DST: variants seen among roughly 807,000 people sequenced by gnomAD.
The protein encoded by DST is bullous pemphigoid antigen.
DST carries 253 observed loss-of-function variants against 875.2 expected under a neutral mutation model. The ratio of observed to expected loss-of-function variants is 0.29; its 90% CI spans 0.26 to 0.32. The LOEUF (loss-of-function observed/expected upper bound fraction) is 0.32. Among genes scored for constraint, DST ranks in the 10% least tolerant of loss-of-function variants. The pLI, the probability that DST is intolerant of heterozygous loss-of-function variation, is 1.00. For synonymous variants in DST, 3,124 were observed against 3,197.1 expected (o/e 0.98, Z 0.77); for missense variants, 8,287 against 9,111.6 (o/e 0.91, Z 3.68).
At position 56,464,588 on chromosome 6, in the gene DST, T is replaced by C; in HGVS notation, c.22759+97A>G. The C allele has an allele frequency of 5.6e-6, 5 of 887,184 alleles. No individual in the cohort carries two copies. In the South Asian group the frequency reaches 7.6e-5, roughly 13 times the overall value. 55.0% of individuals were successfully genotyped at this position (887,184 alleles called of 1,614,324 possible). ...TATGAGTTAAGCCATACGCGATGGA[T>C]GAAGCATGTTATTTTAAAACAAATG... On this transcript the variant is annotated intron_variant, in intron 100 of 103. Transcript: ENST00000680361.
At chr6:56,556,681 A>G (rs1416282051) in intron 59 of DST, among the ~76,000 whole-genome samples, 1 of 152,206 alleles carries the variant, frequency 6.6e-6, no homozygotes, top group African/African-American at 2.4e-5. Flanking sequence ...ACTAACTGAA[A>G]TCACCACAGA....
rs2096426641 is a variant in DST, at chr6:56,509,645, T to C, written c.19009A>G (p.Lys6337Glu). The C allele has an allele frequency of 1.2e-6, 2 of 1,611,378 alleles. No individual in the cohort carries two copies. The highest frequency in any genetic ancestry group is 1.7e-6 in the Non-Finnish European group (2 of 1,177,870). The change falls in exon 74 of 104, where the codon AAA (lysine) becomes GAA (glutamate). Residue 6337 changes from lysine to glutamate, a missense_variant. Lys to Glu is a moderately conservative substitution (Grantham distance 56). Coordinates refer to ENST00000680361, the MANE Select transcript of DST (RefSeq NM_001374736.1). The stretch of plus-strand genomic sequence containing the variant: ...TTCCCTATTCCAAAAGTATTACCTT[T>C]GGCAGATATGTCTTTATCAGTCCCC... ...SGGTDKDISA[K>E]AVQDKLDQMV...
At chr6:56,693,286 T>C (rs1241987570) in intron 9 of DST, 1 of 1,177,398 alleles carries the variant, frequency 8.5e-7, no homozygotes, top group Non-Finnish European at 1.1e-6. Flanking sequence ...CTCTTCAGTC[T>C]GAGGCCATTT....
chr6:56,621,242 G>A (rs1028614528), intron 36 of DST, among the ~76,000 whole-genome samples: 4 of 151,958 alleles, frequency 2.6e-5, no homozygotes, highest in African/African-American at 4.8e-5. Context: ...CATGTCTTAT[G>A]GTTAAAAAAA....
rs189859018 is a variant in DST, at chr6:56,833,889, T to C, written c.625+17508A>G. On this transcript the variant is annotated intron_variant, in intron 4 of 103. Coordinates refer to ENST00000680361, the MANE Select transcript of DST (RefSeq NM_001374736.1). ...TGATAAAGGACTGGTATCCAAAATATACAAAAAACTCCAAAACTCAACAAT... is the reference window on the plus strand; with the variant it reads ...TGATAAAGGACTGGTATCCAAAATACACAAAAAACTCCAAAACTCAACAAT... 2.0e-5 allele frequency among the ~76,000 whole-genome samples: 3 copies of C among 150,972 alleles called. No homozygotes were observed. The East Asian group carries it at 5.8e-4, about 29-fold the overall frequency.
rs766809207 is a variant in DST, at chr6:56,616,944, C to T, written c.4930-2460G>A. 3.1e-5 allele frequency: 50 copies of T among 1,604,864 alleles called. No individual in the cohort carries two copies. The highest frequency in any genetic ancestry group is 3.3e-4 in the Middle Eastern group (2 of 6,022). Reference sequence around the variant, plus strand: ...GGATCAATTATAAAACCTGTTGCAGCCTGAGCTTCTAAAAATGCCAAAGCC... The same window carrying T: ...GGATCAATTATAAAACCTGTTGCAGTCTGAGCTTCTAAAAATGCCAAAGCC... On this transcript the variant is annotated intron_variant, in intron 36 of 103. Coordinates refer to ENST00000680361, the MANE Select transcript of DST (RefSeq NM_001374736.1).
intron 4 of DST, among the ~76,000 whole-genome samples, chr6:56,794,014 T>C (rs1310543402): frequency 6.6e-6 from 1 of 152,036 alleles, no homozygotes; most frequent in Non-Finnish European, 1.5e-5. Flanking sequence ...GTTTATAGGG[T>C]TTCTAAACCA....
intron 47 of DST, among the ~76,000 whole-genome samples, chr6:56,597,173 G>C (rs534423583): frequency 6.6e-6 from 1 of 151,968 alleles, no homozygotes; most frequent in East Asian, 1.9e-4. Flanking sequence ...CAGGGAGTTT[G>C]AGGCTGCAGT....
intron 4 of DST, among the ~76,000 whole-genome samples, chr6:56,772,495 T>A (rs2099668872): frequency 6.6e-6 from 1 of 152,188 alleles, no homozygotes; most frequent in Non-Finnish European, 1.5e-5. Flanking sequence ...GTGATTCCGA[T>A]CAAGTCATTA....
intron 4 of DST, among the ~76,000 whole-genome samples, chr6:56,825,904 C>T (rs1479915359): frequency 1.3e-5 from 2 of 152,196 alleles, no homozygotes; most frequent in Non-Finnish European, 2.9e-5. Flanking sequence ...CCCCAACAGA[C>T]TGAGATCTCC....
At chr6:56,858,053 T>A (rs1768898723) in intron 3 of DST, among the ~76,000 whole-genome samples, 1 of 152,202 alleles carries the variant, frequency 6.6e-6, no homozygotes, top group Non-Finnish European at 1.5e-5. Context: ...AGTTAAGTCT[T>A]ACCTGGAAAC....
chr6:56,547,068 T>C (rs1395831001), intron 61 of DST, among the ~76,000 whole-genome samples: 2 of 152,212 alleles, frequency 1.3e-5, no homozygotes, highest in African/African-American at 2.4e-5. Context: ...CTCTGTGACA[T>C]AAAGGGCCGT....
At chr6:56,871,609 T>C (rs1777134944) in intron 3 of DST, 3 of 777,382 alleles carry the variant, frequency 3.9e-6, no homozygotes, top group East Asian at 2.5e-5. Context: ...AACCCATACA[T>C]GAGCTCTCTC....
intron 4 of DST, among the ~76,000 whole-genome samples, chr6:56,754,525 C>T (rs2099596897): frequency 6.6e-6 from 1 of 152,096 alleles, no homozygotes; most frequent in African/African-American, 2.4e-5. Flanking sequence ...TAGTTTCTCC[C>T]ACATGGCAAC....
At chr6:56,719,837 A>G (rs1365366257) in intron 5 of DST, among the ~76,000 whole-genome samples, 3 of 152,212 alleles carry the variant, frequency 2.0e-5, no homozygotes, top group African/African-American at 7.2e-5. Flanking sequence ...GACTTTCAAA[A>G]GGGGAAGGAG....
chr6:56,793,068 CAAAAAAAAA>C (rs61457774), intron 4 of DST, among the ~76,000 whole-genome samples: 58 of 42,338 alleles, frequency 1.4e-3, no homozygotes, highest in African/African-American at 2.4e-3. Context: ...GACCCTGTCT[CAAAAAAAAA>C]AAAAAAAAAA....
chr6:56,818,638 T>G (rs776421099), intron 4 of DST, among the ~76,000 whole-genome samples: 2 of 152,196 alleles, frequency 1.3e-5, no homozygotes, highest in Non-Finnish European at 2.9e-5. Context: ...ACACACTGCA[T>G]TGTCAGTCAG....
chr6:56,506,133 T>C (rs954936649), intron 77 of DST, among the ~76,000 whole-genome samples: 1 of 152,150 alleles, frequency 6.6e-6, no homozygotes, highest in African/African-American at 2.4e-5. Context: ...GAGCCATTTA[T>C]AAAAAACACT....
intron 89 of DST, chr6:56,482,384 A>G: frequency 1.6e-6 from 1 of 628,136 alleles, no homozygotes; most frequent in Non-Finnish European, 2.4e-6. Context: ...GCCTATATGA[A>G]GAAAAATTTA....
Sources: gnomAD v4.1 joint callset for allele counts (sites outside exome capture counted in the v4.1 genomes callset) on GRCh38, gnomAD v4.1.1 for gene constraint, MANE v1.5 for transcripts, NCBI Gene and HGNC (gene_info 2026-07-23, HGNC 2026-07-21) for gene names.